C3orf33: variants seen among roughly 807,000 people sequenced by gnomAD.
C3orf33 encodes the protein AP-1 activity suppressor.
Under a neutral mutation model 28.7 loss-of-function variants are expected in C3orf33, and 23 were observed. That is an observed-to-expected ratio of 0.80 (90% confidence interval 0.58 to 1.13). C3orf33 has a LOEUF of 1.13. C3orf33 is among the 50% of genes most tolerant of loss of function. The pLI, the probability that C3orf33 is intolerant of heterozygous loss-of-function variation, is 0.00. For missense variants in C3orf33, 327 were observed against 353.4 expected (o/e 0.93, Z 0.60); for synonymous variants, 119 against 120.5 (o/e 0.99, Z 0.08).
At chr3:155,769,901 A>G (rs1750530465) in intron 3 of C3orf33, among the ~76,000 whole-genome samples, 1 of 151,838 alleles carries the variant, frequency 6.6e-6, no homozygotes. Context: ...TTGATCCCCA[A>G]CCTCCACCTA....
chr3:155,778,868 T>C (rs1420114925), intron 2 of C3orf33, among the ~76,000 whole-genome samples: 1 of 152,162 alleles, frequency 6.6e-6, no homozygotes, highest in Non-Finnish European at 1.5e-5. Context: ...TGATCATGAA[T>C]GACTTGAATG....
intron 4 of C3orf33, among the ~76,000 whole-genome samples, chr3:155,765,753 G>C (rs1162979180): frequency 6.6e-6 from 1 of 152,106 alleles, no homozygotes; most frequent in Admixed American, 6.6e-5. Context: ...TCACCAAATT[G>C]GCCAGGCTGG....
chr3:155,770,600 T>C (rs1385323203), intron 3 of C3orf33, among the ~76,000 whole-genome samples: 1 of 152,238 alleles, frequency 6.6e-6, no homozygotes, highest in Non-Finnish European at 1.5e-5. Context: ...AAATATAATA[T>C]GATCAACAAG....
intron 4 of C3orf33, among the ~76,000 whole-genome samples, chr3:155,766,320 A>G (rs1157812561): frequency 6.6e-6 from 1 of 152,266 alleles, no homozygotes; most frequent in African/African-American, 2.4e-5. Context: ...ATTCAGCAAC[A>G]AAGATGAAAC....
At chr3:155,792,247 C>G (rs1175670947) in intron 2 of C3orf33, among the ~76,000 whole-genome samples, 1 of 152,132 alleles carries the variant, frequency 6.6e-6, no homozygotes, top group African/African-American at 2.4e-5. Flanking sequence ...ACTGTAAGAG[C>G]CACAGCGTTA....
intron 3 of C3orf33, 70 bp downstream of exon 3, chr3:155,775,631 T>C: frequency 9.0e-7 from 1 of 1,106,038 alleles, no homozygotes. Context: ...TTTTTTTTGC[T>C]ATTTTATAAA....
intron 1 of C3orf33, among the ~76,000 whole-genome samples, chr3:155,803,480 G>A (rs968141721): frequency 1.4e-5 from 2 of 140,990 alleles, no homozygotes; most frequent in Admixed American, 7.8e-5. Flanking sequence ...CAGGAGAATC[G>A]TTTGAATCGG....
At chr3:155,791,071 A>C (rs1751300878) in intron 2 of C3orf33, among the ~76,000 whole-genome samples, 1 of 152,140 alleles carries the variant, frequency 6.6e-6, no homozygotes, top group African/African-American at 2.4e-5. Context: ...CCTTCCTTCT[A>C]CCTGAGGAGA....
At chr3:155,783,769 T>C (rs1577424893) in intron 2 of C3orf33, among the ~76,000 whole-genome samples, 1 of 152,180 alleles carries the variant, frequency 6.6e-6, no homozygotes, top group African/African-American at 2.4e-5. Flanking sequence ...ACCAGGCCTG[T>C]ACTACATTTT....
intron 2 of C3orf33, among the ~76,000 whole-genome samples, chr3:155,799,005 A>G (rs1751562552): frequency 6.6e-6 from 1 of 152,248 alleles, no homozygotes; most frequent in Non-Finnish European, 1.5e-5. Flanking sequence ...ACAAATGGCA[A>G]ACAGGTACAT....
intron 3 of C3orf33, among the ~76,000 whole-genome samples, chr3:155,770,936 A>T (rs563503334): frequency 1.3e-5 from 2 of 148,206 alleles, no homozygotes; most frequent in African/African-American, 5.1e-5. Context: ...GGTCTCCCAA[A>T]GTGCTGGGAT....
intron 2 of C3orf33, among the ~76,000 whole-genome samples, chr3:155,793,695 A>G (rs1367478980): frequency 1.3e-5 from 2 of 150,626 alleles, no homozygotes; most frequent in Non-Finnish European, 3.0e-5. Context: ...CTGTAGTCCC[A>G]GCTACTCGGG....
At chr3:155,793,375 AAAAAAAAAAG>A (rs759721862) in intron 2 of C3orf33, among the ~76,000 whole-genome samples, 2,420 of 118,214 alleles carry the variant, frequency 0.02, 32 homozygotes, top group South Asian at 0.047. Context: ...CAATCTGATT[AAAAAAAAAAG>A]AAAGAAAAAA....
intron 2 of C3orf33, among the ~76,000 whole-genome samples, chr3:155,793,809 C>CAAAAAAAAAAAAAAAAAAAAA (rs1176317323): frequency 2.7e-5 from 1 of 37,502 alleles, no homozygotes; most frequent in African/African-American, 7.1e-5. Context: ...GACTCTGACT[C>CAAAAAAAAAAAAAAAAAAAAA]AAAAAAAAAA....
At chr3:155,782,080 G>A (rs1352797457) in intron 2 of C3orf33, among the ~76,000 whole-genome samples, 1 of 150,896 alleles carries the variant, frequency 6.6e-6, no homozygotes, top group East Asian at 2.0e-4. Context: ...GTGTGGTGGT[G>A]GACTCATGTA....
At chr3:155,780,386 C>A (rs1475132559) in intron 2 of C3orf33, among the ~76,000 whole-genome samples, 1 of 152,208 alleles carries the variant, frequency 6.6e-6, no homozygotes, top group East Asian at 1.9e-4. Context: ...GCTGGATGAT[C>A]TTGTGAAAAT....
chr3:155,774,056 AAAGC>A (rs1033555118), intron 3 of C3orf33, among the ~76,000 whole-genome samples: 2 of 152,246 alleles, frequency 1.3e-5, no homozygotes, highest in African/African-American at 4.8e-5. Flanking sequence ...GGATTTTAAA[AAAGC>A]AAGAACTCCT....
At chr3:155,792,935 G>A (rs377243522) in intron 2 of C3orf33, among the ~76,000 whole-genome samples, 2 of 152,018 alleles carry the variant, frequency 1.3e-5, no homozygotes, top group East Asian at 1.9e-4. Flanking sequence ...AACAGAGAAC[G>A]TACAAAATCT....
intron 1 of C3orf33, chr3:155,805,615 G>C (rs752839978): frequency 2.2e-6 from 1 of 454,486 alleles, no homozygotes; most frequent in South Asian, 1.6e-5. Flanking sequence ...CCAGCTACTC[G>C]GGAGGCTGAA....
Sources: allele counts gnomAD v4.1 joint callset (sites outside exome capture counted in the v4.1 genomes callset), GRCh38; gene constraint gnomAD v4.1.1; transcripts MANE v1.5; gene names NCBI Gene and HGNC (gene_info 2026-07-23, HGNC 2026-07-21).